FAM107B: variants seen among roughly 807,000 people sequenced by gnomAD.
FAM107B encodes family with sequence similarity 107 member B, also known as protein FAM107B.
Under a neutral mutation model 31.5 loss-of-function variants are expected in FAM107B, and 21 were observed. That is an observed-to-expected ratio of 0.67 (90% CI 0.47 to 0.96). The LOEUF (loss-of-function observed/expected upper bound fraction) is 0.96. Among genes scored for constraint, FAM107B ranks in the 40% least tolerant of loss-of-function variants. The pLI, the probability that FAM107B is intolerant of heterozygous loss-of-function variation, is 0.00. For missense variants in FAM107B, 452 were observed against 377.1 expected, an observed-to-expected ratio of 1.20 and a Z score of -1.64; for synonymous variants, 157 against 141.5, an observed-to-expected ratio of 1.11 and a Z score of -0.78.
At chr10:14,550,114 CAG>C in intron 2 of FAM107B, among the ~76,000 whole-genome samples, 1 of 152,290 alleles carries the variant, frequency 6.6e-6, no homozygotes, top group East Asian at 1.9e-4. Flanking sequence ...TGATGAGGAA[CAG>C]AGACATCAGT....
In FAM107B at chr10:14,666,673, C is replaced by G. The variant is rs528538994; in HGVS notation, c.469+961G>C. 8.5e-5 allele frequency among the ~76,000 whole-genome samples: 13 copies of G among 152,210 alleles called. No homozygotes were observed. In the South Asian group the frequency reaches 2.7e-3, roughly 32 times the overall value. On this transcript the variant is annotated intron_variant, in intron 2 of 4. Coordinates refer to ENST00000181796, the MANE Select transcript of FAM107B (RefSeq NM_031453.4). ...GGACATTTGAACTGAGCCATCTGTA[C>G]AAGGATCTGCAAGGGGACAGTGTCT...
chr10:14,586,424 TC>T (rs1851839855), intron 2 of FAM107B, among the ~76,000 whole-genome samples: 1 of 152,188 alleles, frequency 6.6e-6, no homozygotes, highest in African/African-American at 2.4e-5. Flanking sequence ...TTTTTCCTCC[TC>T]CACCATAAAT....
At chr10:14,530,094 G>A (rs996813230) in intron 3 of FAM107B, 1 of 423,324 alleles carries the variant, frequency 2.4e-6, no homozygotes, top group Non-Finnish European at 4.3e-6. Flanking sequence ...ATTTCAGAAG[G>A]GAACCCGTGA....
At chr10:14,700,841 A>AC in intron 1 of FAM107B, among the ~76,000 whole-genome samples, 1 of 150,814 alleles carries the variant, frequency 6.6e-6, no homozygotes, top group Non-Finnish European at 1.5e-5. Context: ...AAAAAAAAAA[A>AC]AAAAAAAAAA....
chr10:14,547,053 G>C (rs550628603), intron 2 of FAM107B, among the ~76,000 whole-genome samples: 1 of 152,242 alleles, frequency 6.6e-6, no homozygotes, highest in African/African-American at 2.4e-5. Context: ...CCCAGATCTG[G>C]TCCCATTTCC....
intron 1 of FAM107B, among the ~76,000 whole-genome samples, chr10:14,742,091 A>G (rs1007116298): frequency 2.0e-5 from 3 of 151,824 alleles, no homozygotes; most frequent in African/African-American, 7.3e-5. Flanking sequence ...ATATTTCCAC[A>G]GGTGTTTGGG....
rs534111839 is a variant in FAM107B, at chr10:14,727,967, T to G, written c.411+46286A>C. On this transcript the variant is annotated intron_variant, in intron 1 of 4. Transcript: ENST00000181796. ...AAAGGAAAAGGGACTGAGCTAAGTA[T>G]GCCAGTGATCAGTAACCCTATCATC... Among the ~76,000 whole-genome samples, 7 of 152,328 alleles carry G rather than the reference T, an allele frequency of 4.6e-5. No individual in the cohort carries two copies. In the South Asian group the frequency reaches 6.2e-4, roughly 14 times the overall value.
intron 2 of FAM107B, among the ~76,000 whole-genome samples, chr10:14,663,791 C>G (rs17259957): frequency 0.27 from 39,517 of 147,048 alleles, 5,715 homozygotes; most frequent in South Asian, 0.42. Flanking sequence ...ACTCCTAACT[C>G]GTCTGTCATT....
At chr10:14,539,675 T>A (rs980548654) in intron 2 of FAM107B, among the ~76,000 whole-genome samples, 1 of 152,170 alleles carries the variant, frequency 6.6e-6, no homozygotes, top group Non-Finnish European at 1.5e-5. Context: ...AAAGATTCAT[T>A]CAATTCCTGG....
At chr10:14,553,358 A>G (rs1367604999) in intron 2 of FAM107B, 1 of 1,280,262 alleles carries the variant, frequency 7.8e-7, no homozygotes, top group East Asian at 5.6e-5. Flanking sequence ...CAGTTTCTCT[A>G]TCCACAAAAT....
chr10:14,586,713 A>T (rs1369311363), intron 2 of FAM107B, among the ~76,000 whole-genome samples: 2 of 152,192 alleles, frequency 1.3e-5, no homozygotes, highest in Admixed American at 6.5e-5. Flanking sequence ...ATGCTGTTTA[A>T]GCCACCCCGT....
At chr10:14,557,747 T>C (rs1849825808) in intron 2 of FAM107B, among the ~76,000 whole-genome samples, 1 of 152,216 alleles carries the variant, frequency 6.6e-6, no homozygotes, top group Non-Finnish European at 1.5e-5. Context: ...ATTATTATCC[T>C]TATTGACGGA....
intron 2 of FAM107B, chr10:14,663,580 C>T (rs1854310752): frequency 6.6e-6 from 1 of 152,170 alleles, no homozygotes; most frequent in Non-Finnish European, 1.5e-5. Context: ...CAATGCATCA[C>T]ATTAAAAGGA....
chr10:14,533,244 G>A (rs1471221441), intron 2 of FAM107B, among the ~76,000 whole-genome samples: 1 of 152,172 alleles, frequency 6.6e-6, no homozygotes, highest in Non-Finnish European at 1.5e-5. Context: ...CGCAGCAGCA[G>A]CATAGGTAGG....
chr10:14,711,216 A>AT (rs761296017), intron 1 of FAM107B, among the ~76,000 whole-genome samples: 1 of 152,070 alleles, frequency 6.6e-6, no homozygotes, highest in African/African-American at 2.4e-5. Flanking sequence ...CGGCCATAAA[A>AT]TTTTTTTAAT....
chr10:14,558,989 T>C (rs1849962733), intron 2 of FAM107B, among the ~76,000 whole-genome samples: 1 of 152,056 alleles, frequency 6.6e-6, no homozygotes, highest in Non-Finnish European at 1.5e-5. Flanking sequence ...GCTGGTTTTG[T>C]TGATTTCCAT....
intron 2 of FAM107B, among the ~76,000 whole-genome samples, chr10:14,646,548 C>T (rs892374096): frequency 6.6e-5 from 10 of 152,122 alleles, no homozygotes; most frequent in African/African-American, 1.4e-4. Flanking sequence ...ATATAAATGC[C>T]ACATTTTCTT....
Position 14,528,013 on chromosome 10 carries a change from T to A in FAM107B, c.653+2319A>T, listed in dbSNP as rs1165871943. The A allele has an allele frequency of 2.1e-5, 8 of 377,334 alleles. No homozygotes were observed. In the Middle Eastern group the frequency reaches 1.9e-3, roughly 90 times the overall value. 23.4% of individuals were successfully genotyped at this position (377,334 alleles called of 1,614,324 possible). On this transcript the variant is annotated intron_variant, in intron 3 of 4. Coordinates refer to ENST00000181796, the MANE Select transcript of FAM107B (RefSeq NM_031453.4). The stretch of plus-strand genomic sequence containing the variant: ...ATCTGCCTTTTCTTTTTTTTTTTTT[T>A]AATGTATTTCCAACCAGACCAAAAT...
At chr10:14,660,254 T>C (rs1424223728) in intron 2 of FAM107B, among the ~76,000 whole-genome samples, 1 of 152,130 alleles carries the variant, frequency 6.6e-6, no homozygotes, top group African/African-American at 2.4e-5. Context: ...ATGGTACACT[T>C]ATTGGAAACT....
Sources: gnomAD v4.1 joint callset for allele counts (sites outside exome capture counted in the v4.1 genomes callset) on GRCh38, gnomAD v4.1.1 for gene constraint, MANE v1.5 for transcripts, NCBI Gene and HGNC (gene_info 2026-07-23, HGNC 2026-07-21) for gene names.